Variants in GTF2F2 observed in about 807,000 individuals in gnomAD.
The protein encoded by GTF2F2 is ATP-dependent helicase GTF2F2.
In GTF2F2, 23 loss-of-function variants were observed where a neutral mutation model predicts 42.2. The ratio of observed to expected loss-of-function variants is 0.55; its 90% CI spans 0.39 to 0.77. The LOEUF is 0.77. Among genes scored for constraint, GTF2F2 ranks in the 30% least tolerant of loss-of-function variants. The pLI is 0.00. For synonymous variants in GTF2F2, 105 were observed against 100.8 expected (o/e 1.04, Z -0.25); for missense variants, 261 against 287.2 (o/e 0.91, Z 0.66).
chr13:45,144,379 T>C (rs1204967638), intron 2 of GTF2F2, among the ~76,000 whole-genome samples: 1 of 152,122 alleles, frequency 6.6e-6, no homozygotes, highest in Non-Finnish European at 1.5e-5. Context: ...TTATATCTTA[T>C]TGATAATCAT....
rs1871357955 is a variant in GTF2F2, at chr13:45,167,652, C to A, written c.304+15821C>A. Among the ~76,000 whole-genome samples the A allele has an allele frequency of 2.0e-5, 3 of 152,182 alleles. No individual in the cohort carries two copies. The South Asian group carries it at 6.2e-4, about 32-fold the overall frequency. ...TGACGTCGTGATCTGCCCGCCTGGG[C>A]CTCCCAAAAGTGCTGGGATTACAGG... On this transcript the variant is annotated intron_variant, in intron 4 of 7. Transcript: ENST00000340473.
At position 45,120,548 on chromosome 13, in the gene GTF2F2, T is replaced by C; in HGVS notation, c.-108T>C. ...GTTCTGGCAGGTAAGGAACGCCGGCTCTTCGCCTCTCAGCGCGGCTTGTCC... is the reference window on the plus strand; with the variant it reads ...GTTCTGGCAGGTAAGGAACGCCGGCCCTTCGCCTCTCAGCGCGGCTTGTCC... On this transcript the variant is annotated 5_prime_UTR_variant, in exon 1 of 8. Coordinates refer to ENST00000340473, the MANE Select transcript of GTF2F2 (RefSeq NM_004128.3). 1.3e-6 allele frequency: 1 copy of C among 752,028 alleles called. No homozygotes were observed. Among genetic ancestry groups the C allele is most frequent in the South Asian group, 1.6e-5 (1 of 62,638 alleles). The allele number at this position is 752,028 out of a possible 1,614,324, so 46.6% of individuals were successfully genotyped here.
intron 7 of GTF2F2, among the ~76,000 whole-genome samples, chr13:45,268,520 G>A (rs1593527615): frequency 6.6e-6 from 1 of 152,040 alleles, no homozygotes; most frequent in Admixed American, 6.6e-5. Flanking sequence ...TGCTCATGGT[G>A]GAGTATTATC....
Position 45,120,515 on chromosome 13 carries a change from T to C in GTF2F2, c.-141T>C. ...GGCGGCGTGTTCCTCTTTTCCTCGG[T>C]TCCCAGTGTTCTGGCAGGTAAGGAA... On this transcript the variant is annotated 5_prime_UTR_variant, in exon 1 of 8. Transcript: ENST00000340473. The C allele has an allele frequency of 3.1e-6, 2 of 635,058 alleles. No homozygotes were observed. Among genetic ancestry groups the C allele is most frequent in the Non-Finnish European group, 5.7e-6 (2 of 353,902 alleles). 39.3% of individuals were successfully genotyped at this position (635,058 alleles called of 1,614,324 possible).
At position 45,212,455 on chromosome 13, in the gene GTF2F2, C is replaced by CT. The variant is rs1555269184; in HGVS notation, c.386+4953dup. Among the ~76,000 whole-genome samples, 60 of 96,644 alleles carry CT rather than the reference C, an allele frequency of 6.2e-4. 2 individuals are homozygous for CT. The highest frequency in any genetic ancestry group is 6.8e-4 in the African/African-American group (15 of 22,208). 63.4% of individuals were successfully genotyped at this position (96,644 alleles called of 152,430 possible). A position where few individuals can be genotyped will look rare whatever the true frequency, so the allele number is the denominator to read the frequency against. On this transcript the variant is annotated intron_variant, in intron 5 of 7. Coordinates refer to ENST00000340473, the MANE Select transcript of GTF2F2 (RefSeq NM_004128.3). ...TTCTTTCTTTCTTTCTTGTTTCTTTCTTTCTTTCTTTCTTTCTTTCTTTCT... is the reference window on the plus strand; with the variant it reads ...TTCTTTCTTTCTTTCTTGTTTCTTTCTTTTCTTTCTTTCTTTCTTTCTTTCT...
At chr13:45,238,900 C>T (rs1232382137) in intron 5 of GTF2F2, among the ~76,000 whole-genome samples, 2 of 144,894 alleles carry the variant, frequency 1.4e-5, no homozygotes, top group East Asian at 4.0e-4. Context: ...GCCGAGATGG[C>T]GCCATTGCAC....
At chr13:45,139,098 A>G (rs539734609) in intron 2 of GTF2F2, among the ~76,000 whole-genome samples, 1 of 152,208 alleles carries the variant, frequency 6.6e-6, no homozygotes, top group Non-Finnish European at 1.5e-5. Flanking sequence ...GTTATCCACT[A>G]CTTTCTAAGA....
intron 4 of GTF2F2, among the ~76,000 whole-genome samples, chr13:45,198,538 CT>C (rs1460544390): frequency 2.0e-5 from 3 of 152,178 alleles, no homozygotes; most frequent in Non-Finnish European, 2.9e-5. Context: ...ACATTCTCCC[CT>C]GCTATCAAAT....
At chr13:45,217,969 T>C (rs1873959118) in intron 5 of GTF2F2, among the ~76,000 whole-genome samples, 1 of 152,236 alleles carries the variant, frequency 6.6e-6, no homozygotes. Context: ...AACTGGGTAT[T>C]TGGTTTTAAA....
chr13:45,176,907 T>A (rs919427702), intron 4 of GTF2F2, among the ~76,000 whole-genome samples: 1 of 152,102 alleles, frequency 6.6e-6, no homozygotes, highest in Non-Finnish European at 1.5e-5. Context: ...TGCCTCAGCC[T>A]CCCGAGTAGC....
chr13:45,275,992 C>A (rs1351876629), intron 7 of GTF2F2, among the ~76,000 whole-genome samples: 3 of 152,126 alleles, frequency 2.0e-5, no homozygotes, highest in Admixed American at 1.3e-4. Context: ...CATGCATCCT[C>A]CAGTATACTT....
intron 6 of GTF2F2, among the ~76,000 whole-genome samples, chr13:45,260,682 T>C (rs1876301893): frequency 1.3e-5 from 2 of 152,198 alleles, no homozygotes; most frequent in Non-Finnish European, 2.9e-5. Context: ...GTTGAACATA[T>C]ATATACCAAA....
intron 6 of GTF2F2, among the ~76,000 whole-genome samples, chr13:45,257,097 T>A (rs1410127290): frequency 6.6e-6 from 1 of 152,188 alleles, no homozygotes; most frequent in Non-Finnish European, 1.5e-5. Flanking sequence ...AAAGAAAATA[T>A]CCAATTTTGT....
intron 4 of GTF2F2, among the ~76,000 whole-genome samples, chr13:45,168,764 C>T (rs1331748161): frequency 6.6e-6 from 1 of 151,880 alleles, no homozygotes; most frequent in East Asian, 1.9e-4. Flanking sequence ...AAGTGTGTGC[C>T]ACCACACCTG....
intron 5 of GTF2F2, among the ~76,000 whole-genome samples, chr13:45,248,159 A>G (rs1258486905): frequency 6.6e-6 from 1 of 152,082 alleles, no homozygotes; most frequent in African/African-American, 2.4e-5. Context: ...TTTTAAATAA[A>G]TGGAGTTTTA....
intron 2 of GTF2F2, among the ~76,000 whole-genome samples, chr13:45,148,067 G>A (rs898378649): frequency 1.3e-5 from 2 of 152,170 alleles, no homozygotes; most frequent in Admixed American, 6.5e-5. Context: ...TACCATGTAC[G>A]TAGCACAATG....
chr13:45,251,118 G>A (rs561025584), intron 5 of GTF2F2, among the ~76,000 whole-genome samples: 95 of 152,118 alleles, frequency 6.2e-4, no homozygotes, highest in African/African-American at 2.1e-3. Flanking sequence ...CAAAACCTAT[G>A]GCATTTTTAG....
chr13:45,144,652 A>G (rs1870105390), intron 2 of GTF2F2, among the ~76,000 whole-genome samples: 1 of 151,780 alleles, frequency 6.6e-6, no homozygotes, highest in Admixed American at 6.6e-5. Flanking sequence ...TGTGTTAGCC[A>G]GGTTGGTCTC....
intron 2 of GTF2F2, among the ~76,000 whole-genome samples, chr13:45,140,114 AT>A (rs1002989702): frequency 2.1e-3 from 289 of 140,626 alleles, no homozygotes; most frequent in Middle Eastern, 7.5e-3. Context: ...TGCCCAGCTA[AT>A]TTTTTTTTTT....
Sources: gnomAD v4.1 joint callset for allele counts (sites outside exome capture counted in the v4.1 genomes callset) on GRCh38, gnomAD v4.1.1 for gene constraint, MANE v1.5 for transcripts, NCBI Gene and HGNC (gene_info 2026-07-23, HGNC 2026-07-21) for gene names.